Variants in ANKRD30BL observed in about 807,000 individuals in gnomAD.
The protein encoded by ANKRD30BL is ankyrin repeat domain 30B like, also known as putative ankyrin repeat domain-containing protein 30B-like.
A neutral mutation model predicts 18.4 loss-of-function variants in ANKRD30BL; 20 were observed. The observed-to-expected ratio is 1.09, with a 90% CI of 0.77 to 1.58. The LOEUF (loss-of-function observed/expected upper bound fraction) is 1.58. ANKRD30BL is among the 40% of genes most tolerant of loss of function. ANKRD30BL has a pLI of 0.00. For missense variants in ANKRD30BL, 224 were observed against 268.6 expected, an observed-to-expected ratio of 0.83 and a Z score of 1.16; for synonymous variants, 72 against 100.9, an observed-to-expected ratio of 0.71 and a Z score of 1.72.
chr2:132,205,596 C>A (rs1250379708), intron 1 of ANKRD30BL, among the ~76,000 whole-genome samples: 5 of 125,958 alleles, frequency 4.0e-5, no homozygotes, highest in East Asian at 4.4e-4. Context: ...AGGGAAACTT[C>A]GTCTCAAAAA....
rs375804758 is a variant in ANKRD30BL, at chr2:132,229,896, T to A, written n.441+27633A>T. 9.2e-5 allele frequency among the ~76,000 whole-genome samples: 14 copies of A among 152,130 alleles called. No individual in the cohort carries two copies. In the East Asian group the frequency reaches 2.3e-3, roughly 25 times the overall value. ...TTTCCATAGAGCAGTTTTGAAACAC[T>A]CTGTTCGCAGTATCTGCAAGTGGAT... is the stretch of plus-strand genomic sequence containing the variant. On this transcript the variant is annotated intron_variant and non_coding_transcript_variant, in intron 1 of 4. Coordinates refer to the ANKRD30BL transcript ENST00000470729.
At chr2:132,231,017 A>G (rs1277321357) in intron 1 of ANKRD30BL, among the ~76,000 whole-genome samples, 2 of 152,182 alleles carry the variant, frequency 1.3e-5, no homozygotes, top group East Asian at 3.9e-4. Flanking sequence ...AAGATTTCTC[A>G]GAAACTTTTT....
intron 1 of ANKRD30BL, among the ~76,000 whole-genome samples, chr2:132,230,559 T>A (rs542210581): frequency 6.6e-6 from 1 of 151,916 alleles, no homozygotes; most frequent in African/African-American, 2.4e-5. Flanking sequence ...TAGCTTTTCA[T>A]GGAGCAGTTT....
chr2:132,189,201 G>A (rs7420826), intron 1 of ANKRD30BL, among the ~76,000 whole-genome samples: 6 of 152,108 alleles, frequency 3.9e-5, no homozygotes, highest in South Asian at 4.1e-4. Flanking sequence ...AAATTTTATC[G>A]GCACATTTAA....
At chr2:132,182,446 A>G (rs1425918113) in intron 1 of ANKRD30BL, among the ~76,000 whole-genome samples, 3 of 150,766 alleles carry the variant, frequency 2.0e-5, no homozygotes, top group Non-Finnish European at 4.4e-5. Flanking sequence ...TGCACCACTG[A>G]CTCCAGCCTG....
chr2:132,250,340 T>G (rs1680617958), intron 1 of ANKRD30BL, among the ~76,000 whole-genome samples: 1 of 152,216 alleles, frequency 6.6e-6, no homozygotes, highest in African/African-American at 2.4e-5. Context: ...TATTTCCTTT[T>G]TCACCATGGC....
At chr2:132,247,740 A>G (rs111907315) in intron 1 of ANKRD30BL, among the ~76,000 whole-genome samples, 1 of 151,440 alleles carries the variant, frequency 6.6e-6, no homozygotes, top group Non-Finnish European at 1.5e-5. Flanking sequence ...ATGCTTCTGT[A>G]TAGTTTTCTG....
intron 1 of ANKRD30BL, among the ~76,000 whole-genome samples, chr2:132,219,581 G>A (rs1679611799): frequency 6.6e-6 from 1 of 152,032 alleles, no homozygotes; most frequent in Non-Finnish European, 1.5e-5. Flanking sequence ...GAGCAGTTTT[G>A]AAACCATCAT....
At chr2:132,202,479 A>T (rs1251710405) in intron 1 of ANKRD30BL, among the ~76,000 whole-genome samples, 2 of 151,012 alleles carry the variant, frequency 1.3e-5, no homozygotes, top group African/African-American at 2.4e-5. Flanking sequence ...GATAAAATTT[A>T]AAAAATCAAG....
At chr2:132,255,937 G>A (rs571662092) in intron 1 of ANKRD30BL, among the ~76,000 whole-genome samples, 3 of 152,164 alleles carry the variant, frequency 2.0e-5, no homozygotes, top group African/African-American at 7.2e-5. Context: ...CCCCCGGCCG[G>A]GGACGGAGAG....
Position 132,222,052 on chromosome 2 carries a change from G to A in ANKRD30BL, n.441+35477C>T, listed in dbSNP as rs868643833. Among the ~76,000 whole-genome samples, 260 of 116,916 alleles carry A rather than the reference G, an allele frequency of 2.2e-3. 3 individuals are homozygous for A. The highest frequency in any genetic ancestry group is 3.0e-3 in the Non-Finnish European group (171 of 56,328). The allele number at this position is 116,916 out of a possible 152,430, so 76.7% of individuals were successfully genotyped here. A position where few individuals can be genotyped will look rare whatever the true frequency, so the allele number is the denominator to read the frequency against. ...CTGTCCGGGAGGGAGGCGGGGGGGG[G>A]GGTCGGCCAGCCGCCCCGTCCGGGA... On this transcript the variant is annotated intron_variant and non_coding_transcript_variant, in intron 1 of 4. Coordinates refer to the ANKRD30BL transcript ENST00000470729.
chr2:132,182,977 G>T (rs1490039833), intron 1 of ANKRD30BL, among the ~76,000 whole-genome samples: 1 of 151,920 alleles, frequency 6.6e-6, no homozygotes, highest in Non-Finnish European at 1.5e-5. Flanking sequence ...GATTTTTATT[G>T]TAGTGAAAAA....
At chr2:132,180,220 CT>C (rs34690292) in intron 1 of ANKRD30BL, among the ~76,000 whole-genome samples, 79,399 of 136,690 alleles carry the variant, frequency 0.58, 23,884 homozygotes, top group African/African-American at 0.78. Context: ...CAAGTGTACC[CT>C]TTTTTTTTTT....
chr2:132,207,708 A>C (rs917213394), intron 1 of ANKRD30BL, among the ~76,000 whole-genome samples: 2 of 152,154 alleles, frequency 1.3e-5, no homozygotes, highest in African/African-American at 4.8e-5. Context: ...CCTCCTCAGG[A>C]ATCCAGTCAT....
intron 4 of ANKRD30BL, chr2:132,152,466 A>C (rs1448725039): frequency 6.6e-6 from 1 of 152,208 alleles, no homozygotes; most frequent in African/African-American, 2.4e-5. Flanking sequence ...ATGGTGATGC[A>C]GCATTTGAAA....
chr2:132,253,555 T>C (rs1212180631), intron 1 of ANKRD30BL, among the ~76,000 whole-genome samples: 1 of 152,084 alleles, frequency 6.6e-6, no homozygotes, highest in Non-Finnish European at 1.5e-5. Flanking sequence ...ACGTGCAGCA[T>C]GCACGACAGC....
chr2:132,233,714 T>G (rs1573873179), intron 1 of ANKRD30BL, among the ~76,000 whole-genome samples: 1 of 146,228 alleles, frequency 6.8e-6, no homozygotes, highest in African/African-American at 2.5e-5. Flanking sequence ...CAAAGAGACT[T>G]AGACTCCCAC....
chr2:132,209,905 G>A (rs74676862), intron 1 of ANKRD30BL, among the ~76,000 whole-genome samples: 1 of 152,026 alleles, frequency 6.6e-6, no homozygotes, highest in East Asian at 1.9e-4. Flanking sequence ...TTTGTGATGT[G>A]TGCATTCATC....
intron 3 of ANKRD30BL, chr2:132,155,471 C>T (rs1310147708): frequency 6.6e-6 from 1 of 152,158 alleles, no homozygotes; most frequent in Non-Finnish European, 1.5e-5. Context: ...CACTCCTGCT[C>T]TAAATGGGTC....
Sources: gnomAD v4.1 joint callset for allele counts (sites outside exome capture counted in the v4.1 genomes callset) on GRCh38, gnomAD v4.1.1 for gene constraint, MANE v1.5 for transcripts, NCBI Gene and HGNC (gene_info 2026-07-23, HGNC 2026-07-21) for gene names.